PRKCB: variants seen among roughly 807,000 people sequenced by gnomAD.
The protein encoded by PRKCB is protein kinase C beta type.
PRKCB carries 13 observed loss-of-function variants against 81.5 expected under a neutral mutation model. The ratio of observed to expected loss-of-function variants is 0.16; its 90% CI spans 0.10 to 0.25. PRKCB has a LOEUF of 0.25. Ranked by LOEUF, PRKCB falls within the 10% of genes least tolerant of loss-of-function variation. The probability of loss-of-function intolerance (pLI) is 1.00; values close to 1 mark genes in which losing one functional copy is unlikely to be tolerated. For missense variants in PRKCB, 509 were observed against 875.7 expected, an observed-to-expected ratio of 0.58 and a Z score of 5.29; for synonymous variants, 335 against 321.4, an observed-to-expected ratio of 1.04 and a Z score of -0.45.
intron 2 of PRKCB, among the ~76,000 whole-genome samples, chr16:23,854,899 T>C (rs1962537532): frequency 6.6e-6 from 1 of 152,116 alleles, no homozygotes; most frequent in East Asian, 1.9e-4. Context: ...AAATGAGTGC[T>C]CAACATTTAC....
intron 3 of PRKCB, among the ~76,000 whole-genome samples, chr16:23,993,359 C>G (rs1402893988): frequency 6.6e-6 from 1 of 152,110 alleles, no homozygotes; most frequent in African/African-American, 2.4e-5. Flanking sequence ...AACAGTTTAG[C>G]TGGTTGGCTG....
chr16:23,979,817 G>T (rs1005714626), intron 2 of PRKCB, among the ~76,000 whole-genome samples: 1 of 152,196 alleles, frequency 6.6e-6, no homozygotes, highest in Non-Finnish European at 1.5e-5. Flanking sequence ...TTCTCTCCGA[G>T]CATCAGTGTC....
chr16:23,929,949 G>A (rs893345613), intron 2 of PRKCB, among the ~76,000 whole-genome samples: 1 of 151,662 alleles, frequency 6.6e-6, no homozygotes, highest in Non-Finnish European at 1.5e-5. Flanking sequence ...TCTTCCCCCG[G>A]GACCCCCGAA....
chr16:24,213,507 G>A (rs989986032), intron 16 of PRKCB, among the ~76,000 whole-genome samples: 1 of 152,098 alleles, frequency 6.6e-6, no homozygotes, highest in African/African-American at 2.4e-5. Context: ...TAGGGCCATT[G>A]GGAAGATTAA....
At chr16:24,080,291 A>G (rs1966232414) in intron 5 of PRKCB, among the ~76,000 whole-genome samples, 1 of 152,190 alleles carries the variant, frequency 6.6e-6, no homozygotes, top group Non-Finnish European at 1.5e-5. Flanking sequence ...TAATAATCAC[A>G]GTAATTCTAT....
chr16:24,009,241 G>T (rs186022156), intron 3 of PRKCB, among the ~76,000 whole-genome samples: 3 of 152,244 alleles, frequency 2.0e-5, no homozygotes, highest in Non-Finnish European at 2.9e-5. Context: ...TCATATGGTA[G>T]TTCTATTTTT....
chr16:24,025,259 A>C (rs980255562), intron 3 of PRKCB, among the ~76,000 whole-genome samples: 2 of 152,208 alleles, frequency 1.3e-5, no homozygotes, highest in Admixed American at 1.3e-4. Flanking sequence ...CAGCTGTCAC[A>C]ACAACCCATT....
chr16:24,215,733 CT>C lies in PRKCB; in HGVS notation c.*918del, dbSNP rs2141996484. ...AAATGTTATTAACCACAATGACGAC[CT>C]GCTTTGATTTAACCAAGAAGACGGC... On this transcript the variant is annotated 3_prime_UTR_variant, in exon 17 of 17. Coordinates refer to ENST00000643927, the MANE Select transcript of PRKCB (RefSeq NM_002738.7). The C allele has an allele frequency of 1.0e-6, 1 of 985,674 alleles. No homozygotes were observed. The highest frequency in any genetic ancestry group is 6.1e-5 in the Admixed American group (1 of 16,282). 61.1% of individuals were successfully genotyped at this position (985,674 alleles called of 1,614,324 possible).
intron 5 of PRKCB, among the ~76,000 whole-genome samples, chr16:24,052,877 G>T (rs968979312): frequency 2.6e-5 from 4 of 152,252 alleles, no homozygotes; most frequent in Non-Finnish European, 5.9e-5. Context: ...TTAACCTCCT[G>T]AGAATGCAGC....
Position 23,988,533 on chromosome 16 carries a change from G to C in PRKCB, c.231G>C (p.Arg77=), listed in dbSNP as rs764380918. Residue 77 remains arginine, a synonymous_variant, in exon 3 of 17, where the codon CGG becomes CGC. Transcript: ENST00000643927. The part of the protein sequence containing the change: ...CQVCCFVVHK[R]CHEFVTFSCP... ...TTTGCTGCTTTGTGGTGCACAAGCG[G>C]TGCCATGAATTTGTCACATTCTCCT... 1 of 1,614,068 alleles carries C rather than the reference G, an allele frequency of 6.2e-7. No homozygotes were observed. The highest frequency in any genetic ancestry group is 8.5e-7 in the Non-Finnish European group (1 of 1,180,000).
chr16:23,869,264 G>A, intron 2 of PRKCB: 1 of 345,428 alleles, frequency 2.9e-6, no homozygotes, highest in South Asian at 2.2e-5. Flanking sequence ...ACCAAGAAAG[G>A]GCTGTTGCCT....
intron 9 of PRKCB, among the ~76,000 whole-genome samples, chr16:24,134,706 G>A (rs1028402022): frequency 6.6e-6 from 1 of 151,668 alleles, no homozygotes; most frequent in Admixed American, 6.6e-5. Context: ...TCGAGATCAT[G>A]TCACTGCACT....
chr16:24,059,483 C>G (rs1965945161), intron 5 of PRKCB, among the ~76,000 whole-genome samples: 1 of 151,772 alleles, frequency 6.6e-6, no homozygotes, highest in South Asian at 2.1e-4. Context: ...TAAAGGGAGA[C>G]TCCATTTCTA....
intron 2 of PRKCB, among the ~76,000 whole-genome samples, chr16:23,876,774 T>C (rs1401732339): frequency 6.6e-6 from 1 of 152,204 alleles, no homozygotes; most frequent in African/African-American, 2.4e-5. Flanking sequence ...TTTGTTCTGC[T>C]CTGTCCCTTC....
chr16:24,207,595 G>T (rs1307737550), intron 16 of PRKCB, among the ~76,000 whole-genome samples: 1 of 152,112 alleles, frequency 6.6e-6, no homozygotes, highest in Non-Finnish European at 1.5e-5. Context: ...TTTTAAGAAT[G>T]TTTTGCATGG....
intron 2 of PRKCB, among the ~76,000 whole-genome samples, chr16:23,845,511 T>G (rs1318685774): frequency 2.6e-5 from 4 of 152,184 alleles, no homozygotes; most frequent in African/African-American, 9.7e-5. Context: ...CTGAAGGCAG[T>G]GGCTCATGTC....
In PRKCB at chr16:24,191,082, T is replaced by C; in HGVS notation, c.1723-8T>C. On this transcript the variant is annotated splice_polypyrimidine_tract_variant and splice_region_variant and intron_variant, in intron 15 of 16. Coordinates refer to ENST00000643927, the MANE Select transcript of PRKCB (RefSeq NM_002738.7). Reference sequence around the variant, plus strand: ...TCAGCAAATTCAATGTTTTTCTTTCTCTCGAAGCTGATGACCAAACACCCA... The same window carrying C: ...TCAGCAAATTCAATGTTTTTCTTTCCCTCGAAGCTGATGACCAAACACCCA... 6.2e-7 allele frequency: 1 copy of C among 1,611,958 alleles called. No individual in the cohort carries two copies. The highest frequency in any genetic ancestry group is 2.2e-5 in the East Asian group (1 of 44,832).
At position 23,931,668 on chromosome 16, in the gene PRKCB, G is replaced by A. The variant is rs1425488317; in HGVS notation, c.206-56840G>A. 3.3e-5 allele frequency among the ~76,000 whole-genome samples: 5 copies of A among 152,070 alleles called. No individual in the cohort carries two copies. In the South Asian group the frequency reaches 6.3e-4, roughly 19 times the overall value. ...TCCTTTCCAGCTGTGCTACCGAGAC[G>A]GGGAGGTCAGGTGGTCGTTCTGGGA... is the stretch of plus-strand genomic sequence containing the variant. On this transcript the variant is annotated intron_variant, in intron 2 of 16. Coordinates refer to ENST00000643927, the MANE Select transcript of PRKCB (RefSeq NM_002738.7).
chr16:24,209,316 T>A (rs1443210713), intron 16 of PRKCB, among the ~76,000 whole-genome samples: 1 of 145,836 alleles, frequency 6.9e-6, no homozygotes, highest in African/African-American at 2.8e-5. Flanking sequence ...CTCCCCTTTC[T>A]ACAGTCCTAA....
Sources: gnomAD v4.1 joint callset for allele counts (sites outside exome capture counted in the v4.1 genomes callset) on GRCh38, gnomAD v4.1.1 for gene constraint, MANE v1.5 for transcripts, NCBI Gene and HGNC (gene_info 2026-07-23, HGNC 2026-07-21) for gene names.